FAM83H: variants seen among roughly 807,000 people sequenced by gnomAD.
The protein encoded by FAM83H is scaffolding CK1 anchoring protein H.
FAM83H carries 24 observed loss-of-function variants against 30.2 expected under a neutral mutation model. That is an observed-to-expected ratio of 0.79 (90% confidence interval 0.57 to 1.12). The LOEUF is 1.12. Ranked by LOEUF, FAM83H falls within the 50% of genes most tolerant of loss-of-function variation. The pLI is 0.00. For missense variants in FAM83H, 2,038 were observed against 1,773.9 expected, an observed-to-expected ratio of 1.15 and a Z score of -2.67; for synonymous variants, 1,013 against 821.7, an observed-to-expected ratio of 1.23 and a Z score of -3.98.
chr8:143,726,885 G>A lies in FAM83H; in HGVS notation c.2576C>T (p.Ala859Val), dbSNP rs1171629052. The change falls in exon 5 of 5, where the codon GCG becomes GTG. Residue 859 changes from alanine to valine, a missense_variant. Transcript: ENST00000388913. ...TGACTCATTATGGAGCACCTGGTGC[G>A]CTCCGGACCCTTCCAGCGGCAGAGG... ...DSPLPLEGSG[A>V]HQVLHNESKG... 2 of 1,612,690 alleles carry A rather than the reference G, an allele frequency of 1.2e-6. No individual in the cohort carries two copies. The highest frequency in any genetic ancestry group is 1.7e-6 in the Non-Finnish European group (2 of 1,179,894).
Position 143,725,520 on chromosome 8 carries a change from C to T in FAM83H, c.*401G>A, listed in dbSNP as rs1818255427. 1 of 250,812 alleles carries T rather than the reference C, an allele frequency of 4.0e-6. No homozygotes were observed. Among genetic ancestry groups the T allele is most frequent in the East Asian group, 9.1e-5 (1 of 10,984 alleles). The allele number at this position is 250,812 out of a possible 1,614,324, so 15.5% of individuals were successfully genotyped here. ...CTGAGGCAGGAGAATCGCTGGAACC[C>T]GGGAGGCAGAGGTTGCAGTGAGCCC... On this transcript the variant is annotated 3_prime_UTR_variant, in exon 5 of 5. Transcript: ENST00000388913.
At chr8:143,731,055 A>C (rs1349564278) in intron 1 of FAM83H, among the ~76,000 whole-genome samples, 1 of 151,734 alleles carries the variant, frequency 6.6e-6, no homozygotes, top group Non-Finnish European at 1.5e-5. Context: ...TGATTGTGAC[A>C]CTGCACTCCT....
At position 143,725,163 on chromosome 8, in the gene FAM83H, G is replaced by C. The variant is rs1167989988; in HGVS notation, c.*758C>G. Reference sequence around the variant, plus strand: ...GGCGGGGGAGGGGGGAGACGGGGGGGGGGGGGGGGGAGGGAAGGAGGAGAC... The same window carrying C: ...GGCGGGGGAGGGGGGAGACGGGGGGCGGGGGGGGGGAGGGAAGGAGGAGAC... On this transcript the variant is annotated 3_prime_UTR_variant, in exon 5 of 5. Transcript: ENST00000388913. 1 of 82,272 alleles carries C rather than the reference G, an allele frequency of 1.2e-5. No individual in the cohort carries two copies. Among genetic ancestry groups the C allele is most frequent in the Admixed American group, 1.3e-4 (1 of 7,910 alleles). 5.1% of individuals were successfully genotyped at this position (82,272 alleles called of 1,614,324 possible).
rs201459659 is a variant in FAM83H, at chr8:143,726,609, G to A, written c.2852C>T (p.Ala951Val). The change falls in exon 5 of 5, where the codon GCG (alanine) becomes GTG (valine). Residue 951 changes from alanine (A) to valine (V), a missense_variant. Transcript: ENST00000388913. The part of the protein sequence containing the change: ...ISGESPKAGP[A>V]EEGPSGPMEV... The stretch of plus-strand genomic sequence containing the variant: ...CATGGGGCCGCTCGGCCCCTCCTCC[G>A]CGGGCCCGGCCTTCGGGGACTCCCC... 1,249 of 1,600,528 alleles carry A rather than the reference G, an allele frequency of 7.8e-4. No individual in the cohort carries two copies. Among genetic ancestry groups the A allele is most frequent in the Non-Finnish European group, 9.4e-4 (1,109 of 1,178,842 alleles).
In FAM83H at chr8:143,729,070, C is replaced by A; in HGVS notation, c.634G>T (p.Ala212Ser). Reference sequence around the variant, plus strand: ...GTGCGGCAGTAGTAGGTGGGGCCCGCCACAGTCCGTACGCGCAGGAACTGG... The same window carrying A: ...GTGCGGCAGTAGTAGGTGGGGCCCGACACAGTCCGTACGCGCAGGAACTGG... ...HVDFLRVRTVAGPTYYCRTGK... is the reference protein window; with the variant it reads ...HVDFLRVRTVSGPTYYCRTGK... The change falls in exon 4 of 5, where the codon GCG (alanine) becomes TCG (serine). Residue 212 changes from alanine to serine, a missense_variant. Coordinates refer to ENST00000388913, the MANE Select transcript of FAM83H (RefSeq NM_198488.5). 6.2e-7 allele frequency: 1 copy of A among 1,613,718 alleles called. No individual in the cohort carries two copies. Among genetic ancestry groups the A allele is most frequent in the Non-Finnish European group, 8.5e-7 (1 of 1,180,012 alleles).
In FAM83H at chr8:143,728,054, C is replaced by T. The variant is rs372976146; in HGVS notation, c.1407G>A (p.Pro469=). 7.5e-6 allele frequency: 12 copies of T among 1,609,448 alleles called. No individual in the cohort carries two copies. The highest frequency in any genetic ancestry group is 1.0e-5 in the Non-Finnish European group (12 of 1,179,232). Residue 469 remains proline, a synonymous_variant, in exon 5 of 5, where the codon CCG becomes CCA. Transcript: ENST00000388913. ...QWDPQLTPAR[P]QGLFEKLRGG... ...CGCGAAGCTTCTCGAACAGGCCTTG[C>T]GGGCGCGCCGGCGTGAGCTGCGGGT...
At position 143,727,663 on chromosome 8, in the gene FAM83H, G is replaced by GGCCGTCGTC; in HGVS notation, c.1789_1797dup (p.Asp597_Gly599dup). 5.1e-6 allele frequency: 8 copies of GGCCGTCGTC among 1,571,502 alleles called. No individual in the cohort carries two copies. The highest frequency in any genetic ancestry group is 6.9e-6 in the Non-Finnish European group (8 of 1,166,314). ...GCCTCCGCTTCCATGGGCGCCGGTA[G>GGCCGTCGTC]GCCGTCGTCGCCCCCATCCTCGCCG... On this transcript the variant is annotated inframe_insertion, in exon 5 of 5. Transcript: ENST00000388913.
chr8:143,728,911 C>T (rs1461890447), intron 4 of FAM83H, 56 bp downstream of exon 4: 17 of 1,611,722 alleles, frequency 1.1e-5, no homozygotes, highest in African/African-American at 1.3e-5. Flanking sequence ...AAAGGGGGTG[C>T]TGGGGTTACA....
Position 143,727,510 on chromosome 8 carries a change from C to T in FAM83H, c.1951G>A (p.Gly651Ser), listed in dbSNP as rs781839730. 2.2e-5 allele frequency: 34 copies of T among 1,572,196 alleles called. No homozygotes were observed. Among genetic ancestry groups the T allele is most frequent in the Admixed American group, 3.6e-5 (2 of 56,144 alleles). ...PVPGPGSGGN[G>S]PEREGPEEPG... ...TCCTCCGGGCCCTCGCGCTCTGGGC[C>T]GTTGCCGCCGCTGCCCGGGCCTGGC... The change falls in exon 5 of 5, where the codon GGC becomes AGC. Residue 651 changes from glycine to serine, a missense_variant. Physicochemically the swap from Gly to Ser is moderately conservative, Grantham distance 56. Transcript: ENST00000388913.
intron 1 of FAM83H, chr8:143,731,951 C>CA (rs1818537288): frequency 1.0e-6 from 1 of 985,462 alleles, no homozygotes; most frequent in African/African-American, 1.7e-5. Flanking sequence ...AGGGACTGCT[C>CA]AGTCCATCCC....
Position 143,728,170 on chromosome 8 carries a change from G to A in FAM83H, c.1291C>T (p.Arg431Trp). 2.5e-6 allele frequency: 4 copies of A among 1,606,994 alleles called. No individual in the cohort carries two copies. Among genetic ancestry groups the A allele is most frequent in the Non-Finnish European group, 3.4e-6 (4 of 1,178,908 alleles). Residue 431 changes from arginine (R) to tryptophan (W), a missense_variant, in exon 5 of 5, where the codon CGG becomes TGG. Physicochemically the swap from Arg to Trp is moderately radical, Grantham distance 101. Transcript: ENST00000388913. ...ENFAAARQVS[R>W]QTFLSHGDDF... ...TCGCCGTGGCTGAGGAACGTCTGCC[G>A]CGACACCTGCCGCGCGGCCGCGAAG...
intron 2 of FAM83H, 140 bp downstream of exon 2, chr8:143,729,996 T>C: frequency 2.6e-6 from 2 of 761,410 alleles, no homozygotes; most frequent in East Asian, 2.8e-5. Context: ...CTGGCAGCCC[T>C]GAAGATCTTT....
Position 143,725,621 on chromosome 8 carries a change from G to C in FAM83H, c.*300C>G, listed in dbSNP as rs1034545157. ...GGGGGGGACTGAGGCACAAAGAGAT[G>C]GCGGAGCCAGACGCTGCGCCACGCA... On this transcript the variant is annotated 3_prime_UTR_variant, in exon 5 of 5. Coordinates refer to ENST00000388913, the MANE Select transcript of FAM83H (RefSeq NM_198488.5). The C allele has an allele frequency of 3.7e-6, 2 of 544,346 alleles. No homozygotes were observed. Among genetic ancestry groups the C allele is most frequent in the Non-Finnish European group, 6.6e-6 (2 of 303,906 alleles). 33.7% of individuals were successfully genotyped at this position (544,346 alleles called of 1,614,324 possible). A position where few individuals can be genotyped will look rare whatever the true frequency, so the allele number is the denominator to read the frequency against.
chr8:143,729,419 C>T lies in FAM83H; in HGVS notation c.448-96G>A, dbSNP rs988247026. On this transcript the variant is annotated intron_variant, in intron 2 of 4. Transcript: ENST00000388913. Reference sequence around the variant, plus strand: ...ACACCCGGGAGGTGTCTGGATCACCCACGACCACTGTGAAACAAGCTAGTC... The same window carrying T: ...ACACCCGGGAGGTGTCTGGATCACCTACGACCACTGTGAAACAAGCTAGTC... 9 of 1,402,904 alleles carry T rather than the reference C, an allele frequency of 6.4e-6. No homozygotes were observed. The South Asian group carries it at 1.1e-4, about 17-fold the overall frequency. The allele number at this position is 1,402,904 out of a possible 1,614,324, so 86.9% of individuals were successfully genotyped here.
intron 1 of FAM83H, chr8:143,732,670 C>T (rs1818570081): frequency 1.0e-6 from 1 of 985,320 alleles, no homozygotes; most frequent in South Asian, 4.7e-5. Context: ...CCTCCAACTG[C>T]TTCATTCCTC....
chr8:143,728,778 C>A, intron 4 of FAM83H, 55 bp from the exon 5 acceptor site: 1 of 1,598,366 alleles, frequency 6.3e-7, no homozygotes, highest in Non-Finnish European at 8.5e-7. Context: ...GCACTGCAGC[C>A]CCGTGGGCAG....
rs1245424400 is a variant in FAM83H at position 143,729,237 on chromosome 8, G to A, written c.534C>T (p.Tyr178=). 1 of 1,613,564 alleles carries A rather than the reference G, an allele frequency of 6.2e-7. No individual in the cohort carries two copies. Among genetic ancestry groups the A allele is most frequent in the Non-Finnish European group, 8.5e-7 (1 of 1,180,026 alleles). ...LEAAARRVPV[Y]ILLDEMNAQH... ...GCGCGTTCATCTCATCCAGCAGGAT[G>A]TAGACTGGGACCCGACGGGCCGCGG... The change falls in exon 3 of 5, where the codon TAC becomes TAT. Residue 178 remains tyrosine (Y), a synonymous_variant. Coordinates refer to ENST00000388913, the MANE Select transcript of FAM83H (RefSeq NM_198488.5).
chr8:143,727,367 C>T lies in FAM83H; in HGVS notation c.2094G>A (p.Gly698=). 1 of 1,569,556 alleles carries T rather than the reference C, an allele frequency of 6.4e-7. No individual in the cohort carries two copies. The highest frequency in any genetic ancestry group is 1.8e-5 in the Admixed American group (1 of 55,530). ...FSTSQAEGAA[G]AAAATEKVQL... The stretch of plus-strand genomic sequence containing the variant: ...GCACCTTCTCAGTGGCCGCCGCAGC[C>T]CCGGCCGCGCCCTCGGCCTGTGACG... The change falls in exon 5 of 5, where the codon GGG becomes GGA. Residue 698 remains glycine (G), a synonymous_variant. Coordinates refer to ENST00000388913, the MANE Select transcript of FAM83H (RefSeq NM_198488.5).
intron 2 of FAM83H, 27 bp downstream of exon 2, chr8:143,730,109 A>C: frequency 6.6e-7 from 1 of 1,504,104 alleles, no homozygotes; most frequent in East Asian, 2.4e-5. Context: ...CCCCTCCCCC[A>C]CTACCCTCAA....
Sources: allele counts gnomAD v4.1 joint callset (sites outside exome capture counted in the v4.1 genomes callset), GRCh38; gene constraint gnomAD v4.1.1; transcripts MANE v1.5; gene names NCBI Gene and HGNC (gene_info 2026-07-23, HGNC 2026-07-21).